The following PLCG2 variants were observed in gnomAD, a reference collection of about 807,000 sequenced individuals.
PLCG2 encodes the protein 1-phosphatidylinositol 4,5-bisphosphate phosphodiesterase gamma-2.
A neutral mutation model predicts 175.6 loss-of-function variants in PLCG2; 69 were observed. The ratio of observed to expected loss-of-function variants is 0.39; its 90% CI spans 0.32 to 0.48. PLCG2 has a LOEUF of 0.48. Among genes scored for constraint, PLCG2 ranks in the 20% least tolerant of loss-of-function variants. The probability of loss-of-function intolerance (pLI) is 0.91; values close to 1 mark genes in which losing one functional copy is unlikely to be tolerated. For synonymous variants in PLCG2, 827 were observed against 624.0 expected, an observed-to-expected ratio of 1.33 and a Z score of -4.85; for missense variants, 1,798 against 1,650.9, an observed-to-expected ratio of 1.09 and a Z score of -1.54.
intron 2 of PLCG2, among the ~76,000 whole-genome samples, chr16:81,764,882 G>C (rs1045763060): frequency 6.6e-6 from 1 of 152,092 alleles, no homozygotes; most frequent in African/African-American, 2.4e-5. Context: ...TTGAGCTCAG[G>C]AGTTCGAGAC....
At chr16:81,741,517 T>C (rs757865394) in intron 1 of PLCG2, among the ~76,000 whole-genome samples, 1 of 152,188 alleles carries the variant, frequency 6.6e-6, no homozygotes, top group African/African-American at 2.4e-5. Context: ...ATATAAAATA[T>C]GTAATGATCA....
At chr16:81,899,289 TACACACACAC>T (rs111338797) in intron 13 of PLCG2, among the ~76,000 whole-genome samples, 1 of 92,418 alleles carries the variant, frequency 1.1e-5, no homozygotes, top group African/African-American at 3.8e-5. Flanking sequence ...TATATATATA[TACACACACAC>T]ACACATAAAT....
intron 2 of PLCG2, among the ~76,000 whole-genome samples, chr16:81,829,375 C>T (rs901029052): frequency 6.6e-6 from 1 of 152,190 alleles, no homozygotes; most frequent in African/African-American, 2.4e-5. Context: ...TCCCAAAGTG[C>T]TGGGATTACA....
chr16:81,914,622 C>T (rs563681529), intron 19 of PLCG2, among the ~76,000 whole-genome samples: 26 of 152,152 alleles, frequency 1.7e-4, no homozygotes, highest in Admixed American at 3.9e-4. Context: ...TACTGTGTGC[C>T]GGGCCCTGTG....
intron 2 of PLCG2, among the ~76,000 whole-genome samples, chr16:81,772,933 C>T (rs571649833): frequency 6.6e-6 from 1 of 152,300 alleles, no homozygotes; most frequent in African/African-American, 2.4e-5. Context: ...AGCCTATGAC[C>T]ACTGCAGGAC....
chr16:81,907,678 T>G lies in PLCG2; in HGVS notation c.1468-7T>G, dbSNP rs781606089. 1 of 1,611,238 alleles carries G rather than the reference T, an allele frequency of 6.2e-7. No homozygotes were observed. The highest frequency in any genetic ancestry group is 1.3e-5 in the African/African-American group (1 of 74,876). On this transcript the variant is annotated splice_polypyrimidine_tract_variant and splice_region_variant and intron_variant, in intron 15 of 32. Coordinates refer to ENST00000564138, the MANE Select transcript of PLCG2 (RefSeq NM_002661.5). ...TGGGGGGCACTAATACCAGTTTCAC[T>G]TTCTAGAAATGGACTCGGCACTACT...
intron 2 of PLCG2, among the ~76,000 whole-genome samples, chr16:81,821,771 C>T (rs921897696): frequency 6.6e-6 from 1 of 152,148 alleles, no homozygotes; most frequent in Non-Finnish European, 1.5e-5. Flanking sequence ...GGGGCAGTGG[C>T]AAATGCTTTG....
intron 2 of PLCG2, among the ~76,000 whole-genome samples, chr16:81,771,864 A>T (rs186238137): frequency 3.3e-5 from 5 of 151,878 alleles, no homozygotes; most frequent in Non-Finnish European, 7.4e-5. Flanking sequence ...GCTCACTGCA[A>T]CCTCCACCTC....
intron 2 of PLCG2, among the ~76,000 whole-genome samples, chr16:81,803,218 A>C (rs1044085173): frequency 6.8e-6 from 1 of 147,534 alleles, no homozygotes; most frequent in Non-Finnish European, 1.5e-5. Flanking sequence ...TCATGGGTTC[A>C]TGCCATTCTC....
chr16:81,796,806 C>T (rs988340570), intron 2 of PLCG2, among the ~76,000 whole-genome samples: 3 of 152,158 alleles, frequency 2.0e-5, no homozygotes, highest in African/African-American at 7.2e-5. Flanking sequence ...CCAGCCTCGC[C>T]AACACTTTGA....
intron 24 of PLCG2, among the ~76,000 whole-genome samples, chr16:81,930,747 C>CAAAAAAAAA (rs34004978): frequency 1.6e-5 from 2 of 125,808 alleles, no homozygotes; most frequent in African/African-American, 3.1e-5. Flanking sequence ...CACCCTGTCT[C>CAAAAAAAAA]AAAAAAAAAA....
intron 2 of PLCG2, among the ~76,000 whole-genome samples, chr16:81,766,465 GCCTCCTCCTCCTCCTCTTCCT>G (rs1244998173): frequency 3.3e-5 from 5 of 150,540 alleles, no homozygotes; most frequent in African/African-American, 4.9e-5. Context: ...CTTAGCCAGC[GCCTCCTCCTCCTCCTCTTCCT>G]CCTCCTCCTC....
At chr16:81,752,321 G>A (rs1909828834) in intron 1 of PLCG2, among the ~76,000 whole-genome samples, 1 of 152,170 alleles carries the variant, frequency 6.6e-6, no homozygotes, top group Admixed American at 6.5e-5. Context: ...CACCCGGCCA[G>A]CTCTGAGAAG....
chr16:81,745,584 G>A (rs530113252), intron 1 of PLCG2, among the ~76,000 whole-genome samples: 7 of 152,250 alleles, frequency 4.6e-5, no homozygotes, highest in African/African-American at 1.7e-4. Flanking sequence ...CCCTATTATG[G>A]GCTGCATGTA....
chr16:81,869,981 A>G (rs1311032116), intron 6 of PLCG2, among the ~76,000 whole-genome samples: 1 of 152,220 alleles, frequency 6.6e-6, no homozygotes, highest in African/African-American at 2.4e-5. Context: ...CCCATTTTCA[A>G]TATCAGCTCC....
chr16:81,837,638 C>T (rs1905589411), intron 2 of PLCG2, among the ~76,000 whole-genome samples: 2 of 151,410 alleles, frequency 1.3e-5, no homozygotes, highest in Admixed American at 1.3e-4. Context: ...AGTTCCCTTT[C>T]CGTCTTCCTG....
At chr16:81,822,509 C>A (rs1235109635) in intron 2 of PLCG2, among the ~76,000 whole-genome samples, 1 of 152,152 alleles carries the variant, frequency 6.6e-6, no homozygotes, top group African/African-American at 2.4e-5. Flanking sequence ...GTAATCCCAG[C>A]ACTTTGGGAG....
intron 2 of PLCG2, among the ~76,000 whole-genome samples, chr16:81,803,996 TGAA>T (rs1911879679): frequency 6.6e-6 from 1 of 152,242 alleles, no homozygotes; most frequent in Non-Finnish European, 1.5e-5. Context: ...TTGGTTATTG[TGAA>T]TAATACTGCG....
At chr16:81,837,947 T>A (rs190979349) in intron 2 of PLCG2, among the ~76,000 whole-genome samples, 1 of 152,360 alleles carries the variant, frequency 6.6e-6, no homozygotes. Flanking sequence ...TGTGTGTATT[T>A]AGTTATGTAC....
Sources: gnomAD v4.1 joint callset for allele counts (sites outside exome capture counted in the v4.1 genomes callset) on GRCh38, gnomAD v4.1.1 for gene constraint, MANE v1.5 for transcripts, NCBI Gene and HGNC (gene_info 2026-07-23, HGNC 2026-07-21) for gene names.